NIPA2: variants seen among roughly 807,000 people sequenced by gnomAD.
NIPA2 encodes magnesium transporter NIPA2.
NIPA2 carries 11 observed loss-of-function variants against 29.7 expected under a neutral mutation model. The ratio of observed to expected loss-of-function variants is 0.37; its 90% CI spans 0.23 to 0.61. The LOEUF is 0.61. Among genes scored for constraint, NIPA2 ranks in the 20% least tolerant of loss-of-function variants. The pLI, the probability that NIPA2 is intolerant of heterozygous loss-of-function variation, is 0.66. For synonymous variants in NIPA2, 183 were observed against 161.9 expected (o/e 1.13, Z -0.99); for missense variants, 426 against 437.9 (o/e 0.97, Z 0.24).
At position 22,851,748 on chromosome 15, in the gene NIPA2, G is replaced by A; in HGVS notation, c.17G>A (p.Gly6Glu). 6.2e-7 allele frequency: 1 copy of A among 1,611,452 alleles called. No homozygotes were observed. The change falls in exon 4 of 8, where the codon GGA becomes GAA. Residue 6 changes from glycine to glutamate, a missense_variant. By Grantham distance (98) the Gly-to-Glu change is moderately conservative. This residue lies in a region of NIPA2 where 57 missense variants were observed against 66.6 expected (regional missense o/e 0.86). Transcript: ENST00000337451. ...ACAAACGAAATGAGCCAGGGGCGTG[G>A]AAAATATGACTTCTATATTGGTCTG... The part of the protein sequence containing the change: MSQGR[G>E]KYDFYIGLGL...
In NIPA2 at chr15:22,858,547, T is replaced by C. The variant is rs1471455169; in HGVS notation, c.204T>C (p.Ala68=). 7 of 1,605,282 alleles carry C rather than the reference T, an allele frequency of 4.4e-6. No homozygotes were observed. The African/African-American group carries it at 5.4e-5, about 12-fold the overall frequency. ...TTGTTGTCTGTCTCTAAGTGGGAGC[T>C]GGTGAGGTGGCCAACTTCGCTGCGT... ...LWWAGLLSMG[A]GEVANFAAYA... The change falls in exon 6 of 8, where the codon GCT becomes GCC. Residue 68 remains alanine, a synonymous_variant. Coordinates refer to ENST00000337451, the MANE Select transcript of NIPA2 (RefSeq NM_030922.7).
intron 3 of NIPA2, 97 bp from the exon 4 acceptor site, chr15:22,851,542 T>C (rs749791064): frequency 2.4e-5 from 9 of 379,924 alleles, no homozygotes; most frequent in Non-Finnish European, 4.2e-5. Context: ...AGGAGCTATT[T>C]TTTCTTTAGG....
At chr15:22,866,188 T>C (rs1326230198) in intron 7 of NIPA2, 25 bp from the exon 8 acceptor site, 19 of 1,596,680 alleles carry the variant, frequency 1.2e-5, no homozygotes, top group Non-Finnish European at 1.6e-5. Flanking sequence ...ATTTGACTCA[T>C]GTAACTTTTC....
chr15:22,840,196 A>G (rs890642435), intron 2 of NIPA2, among the ~76,000 whole-genome samples: 1 of 152,074 alleles, frequency 6.6e-6, no homozygotes, highest in African/African-American at 2.4e-5. Flanking sequence ...CGGGGATTAC[A>G]GGTGTGAGCC....
In NIPA2 at chr15:22,863,063, G is replaced by A. The variant is rs565531524; in HGVS notation, c.448+2274G>A. The stretch of plus-strand genomic sequence containing the variant: ...ACTACAGGTGTGTGCCACCACATCT[G>A]GCTAATTTTTGTATTTTCTTTGTTT... On this transcript the variant is annotated intron_variant, in intron 7 of 7. Coordinates refer to ENST00000337451, the MANE Select transcript of NIPA2 (RefSeq NM_030922.7). Among the ~76,000 whole-genome samples, 5 of 148,954 alleles carry A rather than the reference G, an allele frequency of 3.4e-5. No individual in the cohort carries two copies. The East Asian group carries it at 1.0e-3, about 31-fold the overall frequency.
intron 2 of NIPA2, among the ~76,000 whole-genome samples, chr15:22,843,936 G>C (rs558550318): frequency 6.0e-4 from 91 of 152,298 alleles, no homozygotes; most frequent in Non-Finnish European, 1.1e-3. Context: ...GGCCTCAGGT[G>C]ATCTCCCACC....
chr15:22,865,573 T>G (rs2058971481), intron 7 of NIPA2, among the ~76,000 whole-genome samples: 1 of 152,256 alleles, frequency 6.6e-6, no homozygotes, highest in South Asian at 2.1e-4. Context: ...GGGCCTCAGT[T>G]TCCTCATCCG....
rs768612384 is a variant in NIPA2, at chr15:22,849,170, A to G, written c.-93-2469A>G. The stretch of plus-strand genomic sequence containing the variant: ...TCTCTGTAATTTATTTTTACTGTCA[A>G]TGAGACTCACCTATCTAGAATTATT... On this transcript the variant is annotated intron_variant, in intron 3 of 7. Coordinates refer to ENST00000337451, the MANE Select transcript of NIPA2 (RefSeq NM_030922.7). Among the ~76,000 whole-genome samples the G allele has an allele frequency of 3.7e-4, 56 of 152,324 alleles. 1 individual carries two copies. The highest frequency in any genetic ancestry group is 3.4e-3 in the Middle Eastern group (1 of 294).
intron 5 of NIPA2, among the ~76,000 whole-genome samples, chr15:22,853,803 T>C (rs2057964714): frequency 6.6e-6 from 1 of 152,186 alleles, no homozygotes; most frequent in Non-Finnish European, 1.5e-5. Flanking sequence ...CAACAATTTA[T>C]CCTTTGCAGG....
intron 7 of NIPA2, among the ~76,000 whole-genome samples, chr15:22,862,375 G>C (rs2141527195): frequency 6.6e-6 from 1 of 152,092 alleles, no homozygotes; most frequent in South Asian, 2.1e-4. Flanking sequence ...TCTGACTCTT[G>C]GGAACTGAAT....
intron 5 of NIPA2, among the ~76,000 whole-genome samples, chr15:22,853,584 C>T (rs1351305221): frequency 6.6e-6 from 1 of 152,024 alleles, no homozygotes; most frequent in African/African-American, 2.4e-5. Flanking sequence ...CTGTGTTGGT[C>T]AGGCTGGTCT....
At chr15:22,839,552 G>A (rs1896449852) in intron 1 of NIPA2, 103 bp from the exon 2 acceptor site, 1 of 152,204 alleles carries the variant, frequency 6.6e-6, no homozygotes, top group South Asian at 2.1e-4. Flanking sequence ...TAGGTTTTAT[G>A]TTGATTGGTT....
intron 6 of NIPA2, among the ~76,000 whole-genome samples, chr15:22,860,417 C>G (rs772897623): frequency 6.6e-6 from 1 of 152,154 alleles, no homozygotes; most frequent in Non-Finnish European, 1.5e-5. Context: ...GGTAAGTATA[C>G]AGGTGTAGTG....
chr15:22,862,688 G>T (rs1487858779), intron 7 of NIPA2, among the ~76,000 whole-genome samples: 3 of 152,010 alleles, frequency 2.0e-5, no homozygotes, highest in Non-Finnish European at 4.4e-5. Flanking sequence ...TCCTGTGGTG[G>T]TGTTTCTCTT....
chr15:22,853,408 CTG>C (rs1203139097), intron 5 of NIPA2, 140 bp downstream of exon 5: 13 of 477,630 alleles, frequency 2.7e-5, no homozygotes, highest in Middle Eastern at 5.5e-4. Context: ...GAGTCTCACT[CTG>C]TCACCCAGGC....
rs1566855952 is a variant in NIPA2 at position 22,858,582 on chromosome 15, C to T, written c.239C>T (p.Ala80Val). ...EVANFAAYAF[A>V]PATLVTPLGA... The stretch of plus-strand genomic sequence containing the variant: ...GCCAACTTCGCTGCGTATGCGTTTG[C>T]ACCAGCCACTCTAGTGACTCCACTA... The change falls in exon 6 of 8, where the codon GCA becomes GTA. Residue 80 changes from alanine (A) to valine (V), a missense_variant. By Grantham distance (64) the Ala-to-Val change is moderately conservative (BLOSUM62 0). Transcript: ENST00000337451. 1 of 1,607,892 alleles carries T rather than the reference C, an allele frequency of 6.2e-7. No individual in the cohort carries two copies. Among genetic ancestry groups the T allele is most frequent in the Non-Finnish European group, 8.5e-7 (1 of 1,176,424 alleles).
chr15:22,867,734 A>AAAGTC lies in NIPA2; in HGVS notation c.*888_*892dup, dbSNP rs2059214886. 1 of 152,228 alleles carries AAAGTC rather than the reference A, an allele frequency of 6.6e-6. No homozygotes were observed. 9.4% of individuals were successfully genotyped at this position (152,228 alleles called of 1,614,324 possible). On this transcript the variant is annotated 3_prime_UTR_variant, in exon 8 of 8. Transcript: ENST00000337451. ...AAGTTGAAATGAAGTTCTTATTCTA[A>AAAGTC]AAGTCTGAATGCTTAGAACAAACTT...
In NIPA2 at chr15:22,851,885, A is replaced by T; in HGVS notation, c.139+15A>T. On this transcript the variant is annotated intron_variant, in intron 4 of 7. Coordinates refer to ENST00000337451, the MANE Select transcript of NIPA2 (RefSeq NM_030922.7). ...TATGAGAGCAGGTAGGTTATGCCTT[A>T]TGTGACTTTGAAGTGACCTCAGTGT... 6.2e-7 allele frequency: 1 copy of T among 1,609,586 alleles called. No individual in the cohort carries two copies. The highest frequency in any genetic ancestry group is 1.7e-5 in the Admixed American group (1 of 58,850).
At chr15:22,854,573 C>T (rs907932045) in intron 5 of NIPA2, among the ~76,000 whole-genome samples, 33 of 151,756 alleles carry the variant, frequency 2.2e-4, no homozygotes, top group African/African-American at 6.5e-4. Flanking sequence ...GGTGAAACCC[C>T]GTCTCTACTA....
Sources: allele counts gnomAD v4.1 joint callset (sites outside exome capture counted in the v4.1 genomes callset), GRCh38; gene constraint gnomAD v4.1.1; regional missense constraint gnomAD v4.1.1; transcripts MANE v1.5; gene names NCBI Gene and HGNC (gene_info 2026-07-23, HGNC 2026-07-21).